IL1B: variants seen among roughly 807,000 people sequenced by gnomAD.
IL1B encodes interleukin-1 beta.
Under a neutral mutation model 26.2 loss-of-function variants are expected in IL1B, and 11 were observed. That is an observed-to-expected ratio of 0.42 (90% CI 0.26 to 0.70). IL1B has a LOEUF of 0.70. Among genes scored for constraint, IL1B ranks in the 30% least tolerant of loss-of-function variants. The pLI is 0.25. For missense variants in IL1B, 255 were observed against 327.5 expected (o/e 0.78, Z 1.71); for synonymous variants, 118 against 120.8 (o/e 0.98, Z 0.15).
intron 6 of IL1B, 102 bp downstream of exon 6, chr2:112,831,190 T>C: frequency 7.1e-7 from 1 of 1,399,660 alleles, no homozygotes; most frequent in East Asian, 2.3e-5. Flanking sequence ...AATAGACCTG[T>C]TCCCAGCTTT....
chr2:112,836,481 T>C (rs189808596), intron 1 of IL1B: 1 of 458,890 alleles, frequency 2.2e-6, no homozygotes, highest in African/African-American at 2.0e-5. Context: ...CTTTAGGGTG[T>C]CAGCTGTTAG....
intron 1 of IL1B, 177 bp from the exon 2 acceptor site, chr2:112,836,421 A>T: frequency 1.7e-6 from 1 of 582,710 alleles, no homozygotes; most frequent in Non-Finnish European, 3.2e-6. Context: ...CCAAACCCCA[A>T]CTAGCAATGT....
Position 112,830,352 on chromosome 2 carries a change from C to T in IL1B, c.*9G>A. 6.2e-7 allele frequency: 1 copy of T among 1,610,882 alleles called. No homozygotes were observed. The highest frequency in any genetic ancestry group is 1.3e-5 in the African/African-American group (1 of 74,946). On this transcript the variant is annotated 3_prime_UTR_variant, in exon 7 of 7. Coordinates refer to ENST00000263341, the MANE Select transcript of IL1B (RefSeq NM_000576.3). ...CATTCAGCACAGGACTCTCTGGGTACAGCTCTCTTTAGGAAGACACAAATT... is the reference window on the plus strand; with the variant it reads ...CATTCAGCACAGGACTCTCTGGGTATAGCTCTCTTTAGGAAGACACAAATT...
chr2:112,833,291 T>C, intron 4 of IL1B, 83 bp downstream of exon 4: 1 of 1,341,232 alleles, frequency 7.5e-7, no homozygotes, highest in Non-Finnish European at 1.1e-6. Context: ...GGGCTTTGGC[T>C]CTGGGGGAAT....
At chr2:112,830,643 G>A (rs1681966769) in intron 6 of IL1B, 70 bp from the exon 7 acceptor site, 5 of 1,141,686 alleles carry the variant, frequency 4.4e-6, no homozygotes, top group Admixed American at 1.7e-5. Flanking sequence ...GATGTTCTTT[G>A]GGTTGGCCAG....
chr2:112,831,564 T>A (rs1681986651), intron 5 of IL1B, 142 bp from the exon 6 acceptor site: 2 of 858,098 alleles, frequency 2.3e-6, no homozygotes, highest in South Asian at 2.9e-5. Context: ...AGACACAGGA[T>A]AACTTGACTT....
rs1399768503 is a variant in IL1B at position 112,830,047 on chromosome 2, C to T, written c.*314G>A. On this transcript the variant is annotated 3_prime_UTR_variant, in exon 7 of 7. Transcript: ENST00000263341. ...GCGGTTGCTCATCAGAATGTGGGAG[C>T]GAATGACAGAGGGTTTCTTAGAACC... 1.0e-5 allele frequency: 3 copies of T among 293,904 alleles called. No homozygotes were observed. The highest frequency in any genetic ancestry group is 1.9e-5 in the Non-Finnish European group (3 of 156,076). The allele number at this position is 293,904 out of a possible 1,614,324, so 18.2% of individuals were successfully genotyped here.
At position 112,832,578 on chromosome 2, in the gene IL1B, A is replaced by G. The variant is rs1143635; in HGVS notation, c.466+84T>C. The G allele has an allele frequency of 3.1e-5, 44 of 1,421,128 alleles. No homozygotes were observed. In the East Asian group the frequency reaches 8.9e-4, roughly 29 times the overall value. The allele number at this position is 1,421,128 out of a possible 1,614,324, so 88.0% of individuals were successfully genotyped here. A position where few individuals can be genotyped will look rare whatever the true frequency, so the allele number is the denominator to read the frequency against. Reference sequence around the variant, plus strand: ...CACTTGTGTTGATCATTTGCCTTAAATTAACTTTCTACTTTGTTTAAAACA... The same window carrying G: ...CACTTGTGTTGATCATTTGCCTTAAGTTAACTTTCTACTTTGTTTAAAACA... On this transcript the variant is annotated intron_variant, in intron 5 of 6. Coordinates refer to ENST00000263341, the MANE Select transcript of IL1B (RefSeq NM_000576.3).
In IL1B at chr2:112,835,621, T is replaced by C. The variant is rs756992777; in HGVS notation, c.48-4A>G. On this transcript the variant is annotated splice_polypyrimidine_tract_variant and splice_region_variant and intron_variant, in intron 2 of 6. Coordinates refer to ENST00000263341, the MANE Select transcript of IL1B (RefSeq NM_000576.3). Reference sequence around the variant, plus strand: ...GAACAAGTCATCCTCATTGCCACTGTAATAAAAACAGGGACATGTCTCAAT... The same window carrying C: ...GAACAAGTCATCCTCATTGCCACTGCAATAAAAACAGGGACATGTCTCAAT... 2 of 1,612,056 alleles carry C rather than the reference T, an allele frequency of 1.2e-6. No individual in the cohort carries two copies. The highest frequency in any genetic ancestry group is 2.2e-5 in the South Asian group (2 of 91,044).
chr2:112,832,319 C>CA (rs1682000300), intron 5 of IL1B, among the ~76,000 whole-genome samples: 2 of 152,146 alleles, frequency 1.3e-5, no homozygotes, highest in African/African-American at 4.8e-5. Context: ...TCAGCCTCAA[C>CA]AACAGGAAGA....
chr2:112,832,909 G>T, intron 4 of IL1B, 83 bp from the exon 5 acceptor site: 1 of 1,322,850 alleles, frequency 7.6e-7, no homozygotes, highest in Non-Finnish European at 1.1e-6. Context: ...TTGATTTCTT[G>T]GAGGACACCT....
In IL1B at chr2:112,832,449, A is replaced by G. The variant is rs137956430; in HGVS notation, c.466+213T>C. Among the ~76,000 whole-genome samples, 155 of 152,278 alleles carry G rather than the reference A, an allele frequency of 1.0e-3. 2 individuals are homozygous for G. The highest frequency in any genetic ancestry group is 3.4e-3 in the African/African-American group (142 of 41,544). ...GGTCCTGGGAGTGCTTGAGCCGTCT[A>G]ATTTCTCAGGGTCACACTCCTGTTA... On this transcript the variant is annotated intron_variant, in intron 5 of 6. Coordinates refer to ENST00000263341, the MANE Select transcript of IL1B (RefSeq NM_000576.3).
In IL1B at chr2:112,830,577, C is replaced by T; in HGVS notation, c.598-4G>A. 1 of 1,607,316 alleles carries T rather than the reference C, an allele frequency of 6.2e-7. No homozygotes were observed. The highest frequency in any genetic ancestry group is 8.5e-7 in the Non-Finnish European group (1 of 1,174,070). On this transcript the variant is annotated splice_polypyrimidine_tract_variant and splice_region_variant and intron_variant, in intron 6 of 6. Coordinates refer to ENST00000263341, the MANE Select transcript of IL1B (RefSeq NM_000576.3). ...GGTAATTTTTGGGATCTACACTCTG[C>T]AGCGAAAGAGAAAGAAGAATTTTTG...
At position 112,835,615 on chromosome 2, in the gene IL1B, C is replaced by T. The variant is rs763810887; in HGVS notation, c.50G>A (p.Gly17Asp). Residue 17 changes from glycine to aspartate, a missense_variant and splice_region_variant, in exon 3 of 7, where the codon GGC becomes GAC. Gly to Asp is a moderately conservative substitution (Grantham distance 94). Coordinates refer to ENST00000263341, the MANE Select transcript of IL1B (RefSeq NM_000576.3). ...TTCAAAGAACAAGTCATCCTCATTG[C>T]CACTGTAATAAAAACAGGGACATGT... is the stretch of plus-strand genomic sequence containing the variant. ...LASEMMAYYS[G>D]NEDDLFFEAD... The T allele has an allele frequency of 2.5e-6, 4 of 1,612,758 alleles. No homozygotes were observed. The South Asian group carries it at 3.3e-5, about 13-fold the overall frequency.
rs761420279 is a variant in IL1B, at chr2:112,830,388, G to A, written c.783C>T (p.Asp261=). 6.2e-6 allele frequency: 10 copies of A among 1,614,154 alleles called. No individual in the cohort carries two copies. Among genetic ancestry groups the A allele is most frequent in the African/African-American group, 1.3e-5 (1 of 75,036 alleles). The stretch of plus-strand genomic sequence containing the variant: ...AGGAAGACACAAATTGCATGGTGAA[G>A]TCAGTTATATCCTGGCCGCCTTTGG... ...GGTKGGQDIT[D]FTMQFVSS Residue 261 remains aspartate (D), a synonymous_variant, in exon 7 of 7, where the codon GAC becomes GAT. Coordinates refer to ENST00000263341, the MANE Select transcript of IL1B (RefSeq NM_000576.3).
In IL1B at chr2:112,836,175, C is replaced by G. The variant is rs1233588136; in HGVS notation, c.47+8G>C. ...GCTCATGTTACTGGTCTCAGCGTCT[C>G]CACTGACCTGTAATAAGCCATCATT... On this transcript the variant is annotated splice_region_variant and intron_variant, in intron 2 of 6. Coordinates refer to ENST00000263341, the MANE Select transcript of IL1B (RefSeq NM_000576.3). 9.3e-6 allele frequency: 15 copies of G among 1,613,006 alleles called. No individual in the cohort carries two copies. The highest frequency in any genetic ancestry group is 1.3e-5 in the Non-Finnish European group (15 of 1,179,146).
At chr2:112,832,429 TG>T (rs1682003988) in intron 5 of IL1B, among the ~76,000 whole-genome samples, 1 of 152,206 alleles carries the variant, frequency 6.6e-6, no homozygotes, top group Admixed American at 6.5e-5. Flanking sequence ...GACATGGTCC[TG>T]GGAGTGCTTG....
chr2:112,835,792 A>T (rs532354063), intron 2 of IL1B, among the ~76,000 whole-genome samples, 175 bp from the exon 3 acceptor site: 2 of 152,374 alleles, frequency 1.3e-5, no homozygotes, highest in East Asian at 3.9e-4. Context: ...CAGAAGGCAG[A>T]TTCTAGGCCT....
At chr2:112,830,596 A>G (rs777855385) in intron 6 of IL1B, 23 bp from the exon 7 acceptor site, 2 of 1,551,962 alleles carry the variant, frequency 1.3e-6, no homozygotes, top group Non-Finnish European at 1.8e-6. Flanking sequence ...AGAAAGAAGA[A>G]TTTTTGTGGG....
Sources: allele counts gnomAD v4.1 joint callset (sites outside exome capture counted in the v4.1 genomes callset), GRCh38; gene constraint gnomAD v4.1.1; transcripts MANE v1.5; gene names NCBI Gene and HGNC (gene_info 2026-07-23, HGNC 2026-07-21).